The following RALYL variants were observed in gnomAD, a reference collection of about 807,000 sequenced individuals.
RALYL encodes the protein RALY RNA binding protein like.
A neutral mutation model predicts 35.1 loss-of-function variants in RALYL; 29 were observed. The ratio of observed to expected loss-of-function variants is 0.83; its 90% confidence interval spans 0.61 to 1.13. The LOEUF is 1.13. Among genes scored for constraint, RALYL ranks in the 50% most tolerant of loss-of-function variants. The pLI is 0.00. For missense variants in RALYL, 359 were observed against 360.4 expected (o/e 1.00, Z 0.03); for synonymous variants, 120 against 127.6 (o/e 0.94, Z 0.40).
At chr8:84,279,097 C>A (rs192732778) in intron 1 of RALYL, among the ~76,000 whole-genome samples, 6 of 152,240 alleles carry the variant, frequency 3.9e-5, no homozygotes, top group African/African-American at 9.6e-5. Context: ...AAAGGAGAAG[C>A]AAAAGCATGG....
intron 1 of RALYL, among the ~76,000 whole-genome samples, chr8:84,425,440 C>T (rs1289876872): frequency 6.6e-6 from 1 of 152,176 alleles, no homozygotes; most frequent in Non-Finnish European, 1.5e-5. Context: ...CTGGCCTGCG[C>T]CCACTGTCTG....
chr8:84,871,374 G>A (rs1026939721), intron 6 of RALYL, among the ~76,000 whole-genome samples: 1 of 152,178 alleles, frequency 6.6e-6, no homozygotes, highest in Non-Finnish European at 1.5e-5. Flanking sequence ...GGGCTAAGGA[G>A]TAGCTCTAGT....
intron 1 of RALYL, among the ~76,000 whole-genome samples, chr8:84,194,801 A>G (rs1359352654): frequency 6.6e-6 from 1 of 152,156 alleles, no homozygotes; most frequent in Non-Finnish European, 1.5e-5. Context: ...GTATATTACC[A>G]TAGATAATAA....
intron 3 of RALYL, among the ~76,000 whole-genome samples, chr8:84,795,749 A>T (rs1313629847): frequency 6.6e-6 from 1 of 152,210 alleles, no homozygotes; most frequent in African/African-American, 2.4e-5. Context: ...CTGAGGCCTA[A>T]GTAGGCTTTA....
intron 2 of RALYL, among the ~76,000 whole-genome samples, chr8:84,597,403 T>C (rs1213014543): frequency 1.3e-5 from 2 of 152,180 alleles, no homozygotes; most frequent in Admixed American, 6.5e-5. Flanking sequence ...TCTGTTTTAT[T>C]GTCCAAACAT....
intron 1 of RALYL, among the ~76,000 whole-genome samples, chr8:84,427,684 C>G (rs1030492456): frequency 6.6e-6 from 1 of 152,122 alleles, no homozygotes; most frequent in African/African-American, 2.4e-5. Flanking sequence ...TCTACTGTTT[C>G]TTTTGCTCAG....
intron 2 of RALYL, among the ~76,000 whole-genome samples, chr8:84,724,274 A>G (rs1018020592): frequency 7.9e-5 from 12 of 151,814 alleles, no homozygotes; most frequent in African/African-American, 2.9e-4. Flanking sequence ...TTTAATCAGT[A>G]GTCTTCATTC....
In RALYL at chr8:84,321,467, A is replaced by G. The variant is rs536094534; in HGVS notation, c.-24+137043A>G. ...CACAAGGTAATTTTAATAAGTTGCT[A>G]GAGCCTATGGAATAACACAAAAGTG... is the stretch of plus-strand genomic sequence containing the variant. On this transcript the variant is annotated intron_variant, in intron 1 of 8. Coordinates refer to ENST00000521268, the MANE Select transcript of RALYL (RefSeq NM_173848.7). Among the ~76,000 whole-genome samples the G allele has an allele frequency of 3.3e-5, 5 of 152,244 alleles. No homozygotes were observed. In the South Asian group the frequency reaches 8.3e-4, roughly 25 times the overall value.
Position 84,199,868 on chromosome 8 carries a change from G to A in RALYL, c.-24+15444G>A, listed in dbSNP as rs73294202. ...CCAAATGTTGAAATTTAATCTCAGA[G>A]GTGAAGTGACTCAGTCTGCTTACCT... On this transcript the variant is annotated intron_variant, in intron 1 of 8. Coordinates refer to ENST00000521268, the MANE Select transcript of RALYL (RefSeq NM_173848.7). Among the ~76,000 whole-genome samples the A allele has an allele frequency of 1.2e-3, 183 of 152,178 alleles. 1 individual carries two copies. Among genetic ancestry groups the A allele is most frequent in the African/African-American group, 3.9e-3 (161 of 41,534 alleles).
intron 2 of RALYL, among the ~76,000 whole-genome samples, chr8:84,641,632 G>T (rs752165871): frequency 6.6e-6 from 1 of 151,642 alleles, no homozygotes; most frequent in East Asian, 1.9e-4. Context: ...CACAAAGCTA[G>T]TCATTATTTA....
chr8:84,749,430 G>A (rs1207274070), intron 2 of RALYL, among the ~76,000 whole-genome samples: 1 of 152,002 alleles, frequency 6.6e-6, no homozygotes, highest in Non-Finnish European at 1.5e-5. Flanking sequence ...AAGTCACTTG[G>A]GAGCACCTAC....
At chr8:84,750,587 A>G (rs1809740096) in intron 2 of RALYL, among the ~76,000 whole-genome samples, 1 of 152,212 alleles carries the variant, frequency 6.6e-6, no homozygotes, top group Admixed American at 6.5e-5. Context: ...AGAGATGGGC[A>G]TTTAAGAGGA....
At chr8:84,295,253 T>C (rs1420159878) in intron 1 of RALYL, among the ~76,000 whole-genome samples, 1 of 152,056 alleles carries the variant, frequency 6.6e-6, no homozygotes, top group African/African-American at 2.4e-5. Context: ...CTAAGACCGT[T>C]TGAAGCAGCA....
At chr8:84,241,536 G>A (rs1239594167) in intron 1 of RALYL, among the ~76,000 whole-genome samples, 1 of 152,034 alleles carries the variant, frequency 6.6e-6, no homozygotes, top group African/African-American at 2.4e-5. Flanking sequence ...CCAGCACTTT[G>A]GGAGGCTGAG....
intron 1 of RALYL, among the ~76,000 whole-genome samples, 165 bp from the exon 2 acceptor site, chr8:84,529,134 A>G (rs1564091785): frequency 6.6e-6 from 1 of 152,178 alleles, no homozygotes; most frequent in East Asian, 1.9e-4. Flanking sequence ...TACCTTTTAT[A>G]TTACTAAATA....
At position 84,200,414 on chromosome 8, in the gene RALYL, T is replaced by A. The variant is rs193079601; in HGVS notation, c.-24+15990T>A. Among the ~76,000 whole-genome samples the A allele has an allele frequency of 5.2e-3, 786 of 152,256 alleles. 8 individuals are homozygous for A. The highest frequency in any genetic ancestry group is 0.018 in the African/African-American group (757 of 41,558). ...TGTAAATTAAAAAGTAATTTTAAGA[T>A]AGAAGTTACTACTTATATCTAATTT... On this transcript the variant is annotated intron_variant, in intron 1 of 8. Transcript: ENST00000521268.
At chr8:84,271,879 A>T (rs1264576643) in intron 1 of RALYL, among the ~76,000 whole-genome samples, 2 of 152,084 alleles carry the variant, frequency 1.3e-5, no homozygotes, top group African/African-American at 4.8e-5. Flanking sequence ...GAGTTATGAA[A>T]TAATTTTAAA....
At chr8:84,315,192 C>T (rs1381543213) in intron 1 of RALYL, among the ~76,000 whole-genome samples, 1 of 151,860 alleles carries the variant, frequency 6.6e-6, no homozygotes, top group African/African-American at 2.4e-5. Flanking sequence ...ATACACAATC[C>T]ATGTAAGATA....
chr8:84,891,627 C>G (rs759430654), intron 8 of RALYL, among the ~76,000 whole-genome samples: 1 of 152,274 alleles, frequency 6.6e-6, no homozygotes, highest in South Asian at 2.1e-4. Flanking sequence ...GAGATAAATC[C>G]TATCTCTATT....
Sources: gnomAD v4.1 joint callset for allele counts (sites outside exome capture counted in the v4.1 genomes callset) on GRCh38, gnomAD v4.1.1 for gene constraint, MANE v1.5 for transcripts, NCBI Gene and HGNC (gene_info 2026-07-23, HGNC 2026-07-21) for gene names.